CADPS2: variants seen among roughly 807,000 people sequenced by gnomAD.
CADPS2 encodes the protein calcium-dependent secretion activator 2.
In CADPS2, 93 loss-of-function variants were observed where a neutral mutation model predicts 172.5. The ratio of observed to expected loss-of-function variants is 0.54; its 90% CI spans 0.46 to 0.64. The LOEUF is 0.64. CADPS2 is among the 30% of genes least tolerant of loss of function. The pLI, the probability that CADPS2 is intolerant of heterozygous loss-of-function variation, is 0.00. For missense variants in CADPS2, 1,420 were observed against 1,565.9 expected (o/e 0.91, Z 1.57); for synonymous variants, 546 against 555.2 (o/e 0.98, Z 0.23).
chr7:122,491,219 G>T (rs1002112866), intron 10 of CADPS2, 93 bp downstream of exon 10: 2 of 704,946 alleles, frequency 2.8e-6, no homozygotes, highest in Non-Finnish European at 4.5e-6. Context: ...CCTATTCATC[G>T]AGAGGGGTTT....
At chr7:122,866,346 C>G (rs1818315600) in intron 1 of CADPS2, among the ~76,000 whole-genome samples, 1 of 152,074 alleles carries the variant, frequency 6.6e-6, no homozygotes, top group Non-Finnish European at 1.5e-5. Context: ...TACTCTTGCC[C>G]CTACAATCTA....
At chr7:122,388,476 G>T (rs930454317) in intron 23 of CADPS2, 107 bp downstream of exon 23, 21 of 1,093,226 alleles carry the variant, frequency 1.9e-5, no homozygotes, top group Non-Finnish European at 2.6e-5. Context: ...TGGAATAGTG[G>T]TGCATAATGA....
At chr7:122,839,539 G>A (rs1208302330) in intron 1 of CADPS2, among the ~76,000 whole-genome samples, 2 of 152,090 alleles carry the variant, frequency 1.3e-5, no homozygotes, top group South Asian at 2.1e-4. Flanking sequence ...ATCTGACAAA[G>A]GGCTAATATC....
chr7:122,708,162 T>C (rs571777178), intron 2 of CADPS2, among the ~76,000 whole-genome samples: 4 of 151,908 alleles, frequency 2.6e-5, no homozygotes, highest in Middle Eastern at 3.4e-3. Flanking sequence ...AATTAACTAT[T>C]CTATTAATCT....
intron 7 of CADPS2, among the ~76,000 whole-genome samples, chr7:122,576,773 A>G (rs112751048): frequency 2.9e-5 from 4 of 135,914 alleles, no homozygotes; most frequent in African/African-American, 1.1e-4. Flanking sequence ...AGGAGATCTG[A>G]TTTTTTTTTT....
At chr7:122,419,270 T>C (rs928157184) in intron 17 of CADPS2, among the ~76,000 whole-genome samples, 2 of 152,228 alleles carry the variant, frequency 1.3e-5, no homozygotes, top group African/African-American at 4.8e-5. Flanking sequence ...AGCTCATCTG[T>C]ATCTAATACA....
rs148343149 is a variant in CADPS2 at position 122,410,330 on chromosome 7, C to T, written c.2590-2634G>A. 9.3e-3 allele frequency among the ~76,000 whole-genome samples: 1,415 copies of T among 151,450 alleles called. 24 individuals are homozygous for T. Among genetic ancestry groups the T allele is most frequent in the African/African-American group, 0.031 (1,296 of 41,216 alleles). On this transcript the variant is annotated intron_variant, in intron 19 of 29. Transcript: ENST00000449022. ...CTGCACTCCAGCCTGGGTGACAGAG[C>T]GAGACACTGTCTTAAAAAAAACAAA...
chr7:122,722,903 A>C (rs148251643), intron 2 of CADPS2, among the ~76,000 whole-genome samples: 22,666 of 151,860 alleles, frequency 0.15, 1,756 homozygotes, highest in Non-Finnish European at 0.16. Flanking sequence ...GATCTTTGAC[A>C]AACCTGACAA....
intron 1 of CADPS2, among the ~76,000 whole-genome samples, chr7:122,740,132 G>A: frequency 6.6e-6 from 1 of 152,054 alleles, no homozygotes; most frequent in East Asian, 1.9e-4. Context: ...TTGCTACTGG[G>A]AAAGCAAAAT....
At chr7:122,513,031 A>C (rs1206363117) in intron 9 of CADPS2, among the ~76,000 whole-genome samples, 1 of 152,184 alleles carries the variant, frequency 6.6e-6, no homozygotes, top group Non-Finnish European at 1.5e-5. Flanking sequence ...AAAGCATAAA[A>C]CAATGCCACT....
rs187654532 is a variant in CADPS2 at position 122,835,447 on chromosome 7, G to A, written c.339+50552C>T. ...AAGCTGGATGGAGAATGACTTTGAC[G>A]AGTTGAGAGAAGAAGGCTTCAGATA... On this transcript the variant is annotated intron_variant, in intron 1 of 29. Transcript: ENST00000449022. Among the ~76,000 whole-genome samples, 10 of 152,336 alleles carry A rather than the reference G, an allele frequency of 6.6e-5. No homozygotes were observed. The South Asian group carries it at 1.2e-3, about 19-fold the overall frequency.
At chr7:122,657,152 T>C (rs989920640) in intron 3 of CADPS2, among the ~76,000 whole-genome samples, 1 of 152,262 alleles carries the variant, frequency 6.6e-6, no homozygotes, top group African/African-American at 2.4e-5. Context: ...GACTCTGCTC[T>C]GTTCCATAGG....
intron 2 of CADPS2, among the ~76,000 whole-genome samples, chr7:122,689,937 C>A (rs563886208): frequency 6.6e-6 from 1 of 152,122 alleles, no homozygotes; most frequent in Non-Finnish European, 1.5e-5. Context: ...GGTTTTGTGA[C>A]GCCTCCTATT....
chr7:122,719,014 C>T (rs549241483), intron 2 of CADPS2, among the ~76,000 whole-genome samples: 1 of 110,154 alleles, frequency 9.1e-6, no homozygotes, highest in Admixed American at 8.3e-5. Context: ...CATAAATGTA[C>T]ACAATTTTGA....
At chr7:122,795,838 C>G (rs1176556018) in intron 1 of CADPS2, among the ~76,000 whole-genome samples, 1 of 152,030 alleles carries the variant, frequency 6.6e-6, no homozygotes, top group Non-Finnish European at 1.5e-5. Flanking sequence ...CTATTCAACA[C>G]AGTATGGGAA....
chr7:122,648,090 C>T (rs2078753151), intron 3 of CADPS2, among the ~76,000 whole-genome samples: 1 of 152,054 alleles, frequency 6.6e-6, no homozygotes, highest in Admixed American at 6.6e-5. Context: ...GTCATCTTAC[C>T]AGACTTGGTA....
chr7:122,818,426 G>C (rs1001179410), intron 1 of CADPS2, among the ~76,000 whole-genome samples: 2 of 152,088 alleles, frequency 1.3e-5, no homozygotes, highest in Admixed American at 1.3e-4. Context: ...TGACGTCCAG[G>C]CATTCTTTTA....
chr7:122,351,215 T>C (rs995030907), intron 27 of CADPS2, among the ~76,000 whole-genome samples: 1 of 149,284 alleles, frequency 6.7e-6, no homozygotes, highest in Non-Finnish European at 1.5e-5. Context: ...CTACTAAAAA[T>C]ACAAAAAATT....
chr7:122,435,687 T>G (rs2050547170), intron 17 of CADPS2, among the ~76,000 whole-genome samples: 1 of 152,070 alleles, frequency 6.6e-6, no homozygotes, highest in Non-Finnish European at 1.5e-5. Context: ...CCAAAAAAAT[T>G]GAAATCAGGA....
Sources: gnomAD v4.1 joint callset for allele counts (sites outside exome capture counted in the v4.1 genomes callset) on GRCh38, gnomAD v4.1.1 for gene constraint, MANE v1.5 for transcripts, NCBI Gene and HGNC (gene_info 2026-07-23, HGNC 2026-07-21) for gene names.